Variants in SLC7A1 observed in about 807,000 individuals in gnomAD.
SLC7A1 encodes high affinity cationic amino acid transporter 1.
In SLC7A1, 10 loss-of-function variants were observed where a neutral mutation model predicts 53.9. The observed-to-expected ratio is 0.19, with a 90% CI of 0.11 to 0.31. The LOEUF is 0.31. Ranked by LOEUF, SLC7A1 falls within the 10% of genes least tolerant of loss-of-function variation. SLC7A1 has a pLI of 1.00. For synonymous variants in SLC7A1, 342 were observed against 338.7 expected, an observed-to-expected ratio of 1.01 and a Z score of -0.11; for missense variants, 525 against 827.2, an observed-to-expected ratio of 0.63 and a Z score of 4.48.
chr13:29,533,070 G>A (rs974922353), intron 3 of SLC7A1, 88 bp from the exon 4 acceptor site: 1 of 1,332,094 alleles, frequency 7.5e-7, no homozygotes, highest in African/African-American at 1.5e-5. Flanking sequence ...TAACATCATT[G>A]CAGGAGTCAC....
At chr13:29,570,174 C>T (rs1157853423) in intron 1 of SLC7A1, among the ~76,000 whole-genome samples, 2 of 152,188 alleles carry the variant, frequency 1.3e-5, no homozygotes, top group Admixed American at 1.3e-4. Flanking sequence ...GGCTGCTCTG[C>T]TATGTGCAGT....
chr13:29,529,717 G>A (rs1869064150), intron 5 of SLC7A1, among the ~76,000 whole-genome samples: 1 of 152,248 alleles, frequency 6.6e-6, no homozygotes, highest in Non-Finnish European at 1.5e-5. Flanking sequence ...GTGGCAGTTG[G>A]AGGGGGTCTC....
At chr13:29,522,616 G>A (rs1482152045) in intron 7 of SLC7A1, among the ~76,000 whole-genome samples, 160 bp from the exon 8 acceptor site, 1 of 152,174 alleles carries the variant, frequency 6.6e-6, no homozygotes. Flanking sequence ...AAAAGACTTG[G>A]CATTTAATAA....
intron 1 of SLC7A1, among the ~76,000 whole-genome samples, chr13:29,572,279 G>T (rs1006920348): frequency 1.3e-5 from 2 of 152,214 alleles, no homozygotes; most frequent in African/African-American, 4.8e-5. Context: ...CAGCCCTCAG[G>T]GCAGAGCCAG....
intron 1 of SLC7A1, among the ~76,000 whole-genome samples, chr13:29,557,460 C>T (rs1870487509): frequency 6.6e-6 from 1 of 152,102 alleles, no homozygotes; most frequent in Non-Finnish European, 1.5e-5. Context: ...AGCCTTGGCT[C>T]CTAGCCTACA....
intron 1 of SLC7A1, among the ~76,000 whole-genome samples, chr13:29,585,454 C>T (rs1167015797): frequency 6.6e-6 from 1 of 152,144 alleles, no homozygotes; most frequent in Non-Finnish European, 1.5e-5. Context: ...AAAATGAGTA[C>T]TGTTTCATAA....
Position 29,514,248 on chromosome 13 carries a change from G to A in SLC7A1, c.*232C>T. 5 of 554,868 alleles carry A rather than the reference G, an allele frequency of 9.0e-6. No homozygotes were observed. Among genetic ancestry groups the A allele is most frequent in the Middle Eastern group, 4.8e-4 (1 of 2,084 alleles). 34.4% of individuals were successfully genotyped at this position (554,868 alleles called of 1,614,324 possible). A position where few individuals can be genotyped will look rare whatever the true frequency, so the allele number is the denominator to read the frequency against. On this transcript the variant is annotated 3_prime_UTR_variant, in exon 13 of 13. Transcript: ENST00000380752. Reference sequence around the variant, plus strand: ...AAGTGAGGAGACACAGTGGCCAGCCGCAGCCTAGTGGCCCCGGCCAGGCAG... The same window carrying A: ...AAGTGAGGAGACACAGTGGCCAGCCACAGCCTAGTGGCCCCGGCCAGGCAG...
rs113194900 is a variant in SLC7A1, at chr13:29,591,472, G to A, written c.-115+3944C>T. Among the ~76,000 whole-genome samples, 477 of 152,220 alleles carry A rather than the reference G, an allele frequency of 3.1e-3. 4 individuals are homozygous for A. Among genetic ancestry groups the A allele is most frequent in the African/African-American group, 0.011 (459 of 41,530 alleles). On this transcript the variant is annotated intron_variant, in intron 1 of 12. Transcript: ENST00000380752. ...CCTCATGTTGCAGAGGCCCCATACC[G>A]AGCAGAGGCCACTCCCTGAGTCACC...
intron 1 of SLC7A1, among the ~76,000 whole-genome samples, chr13:29,555,147 A>G (rs1870373164): frequency 6.6e-6 from 1 of 151,236 alleles, no homozygotes; most frequent in Non-Finnish European, 1.5e-5. Flanking sequence ...TCACGAGGTC[A>G]GGAGATCGAG....
chr13:29,569,129 C>T (rs868373482), intron 1 of SLC7A1, among the ~76,000 whole-genome samples: 20 of 152,238 alleles, frequency 1.3e-4, no homozygotes, highest in Admixed American at 7.2e-4. Context: ...GAAATCGCAT[C>T]CTGTTTGCCC....
chr13:29,516,403 C>G (rs898753232), intron 11 of SLC7A1, among the ~76,000 whole-genome samples, 157 bp from the exon 12 acceptor site: 3 of 152,308 alleles, frequency 2.0e-5, no homozygotes, highest in African/African-American at 7.2e-5. Flanking sequence ...TCCCACACCC[C>G]ACACACAGCC....
At chr13:29,539,439 C>T (rs980309619) in intron 2 of SLC7A1, among the ~76,000 whole-genome samples, 1 of 152,164 alleles carries the variant, frequency 6.6e-6, no homozygotes, top group Admixed American at 6.5e-5. Flanking sequence ...CAGTTGAGAA[C>T]CCAAAGAACC....
rs111630318 is a variant in SLC7A1, at chr13:29,539,523, T to C, written c.-14-3321A>G. Among the ~76,000 whole-genome samples the C allele has an allele frequency of 4.3e-3, 659 of 152,296 alleles. 5 individuals are homozygous for C. Among genetic ancestry groups the C allele is most frequent in the African/African-American group, 0.014 (602 of 41,550 alleles). On this transcript the variant is annotated intron_variant, in intron 2 of 12. Transcript: ENST00000380752. Reference sequence around the variant, plus strand: ...GCAGGTTATTAAATTACTGTAAGCTTAGATACAGATAACGGTTTTCTAACA... The same window carrying C: ...GCAGGTTATTAAATTACTGTAAGCTCAGATACAGATAACGGTTTTCTAACA...
At chr13:29,551,222 C>T (rs983869699) in intron 2 of SLC7A1, among the ~76,000 whole-genome samples, 2 of 152,186 alleles carry the variant, frequency 1.3e-5, no homozygotes, top group African/African-American at 2.4e-5. Flanking sequence ...TCACAATGAT[C>T]GATCCATGCA....
chr13:29,543,395 G>A (rs1253719127), intron 2 of SLC7A1, among the ~76,000 whole-genome samples: 1 of 152,224 alleles, frequency 6.6e-6, no homozygotes, highest in East Asian at 1.9e-4. Context: ...GGGCCCAAGG[G>A]CCAGGGTGAT....
chr13:29,524,458 C>T (rs1593543081), intron 5 of SLC7A1, among the ~76,000 whole-genome samples: 1 of 152,166 alleles, frequency 6.6e-6, no homozygotes, highest in Admixed American at 6.5e-5. Context: ...GGCCCAGGGT[C>T]ACAAGGGTGC....
intron 2 of SLC7A1, among the ~76,000 whole-genome samples, chr13:29,536,685 T>C (rs1424801313): frequency 6.6e-6 from 1 of 152,162 alleles, no homozygotes; most frequent in East Asian, 1.9e-4. Context: ...TGAATGGCAA[T>C]AACAATGTTT....
At chr13:29,583,089 C>T (rs1290713852) in intron 1 of SLC7A1, among the ~76,000 whole-genome samples, 1 of 152,224 alleles carries the variant, frequency 6.6e-6, no homozygotes, top group Non-Finnish European at 1.5e-5. Context: ...TTATTTTACA[C>T]AGCTTGCATC....
At chr13:29,520,039 T>TCG (rs1868560576) in intron 8 of SLC7A1, among the ~76,000 whole-genome samples, 1 of 152,072 alleles carries the variant, frequency 6.6e-6, no homozygotes, top group African/African-American at 2.4e-5. Flanking sequence ...TCAATCCATC[T>TCG]GTCCACCTAT....
Sources: gnomAD v4.1 joint callset for allele counts (sites outside exome capture counted in the v4.1 genomes callset) on GRCh38, gnomAD v4.1.1 for gene constraint, MANE v1.5 for transcripts, NCBI Gene and HGNC (gene_info 2026-07-23, HGNC 2026-07-21) for gene names.